CAPN13: variants seen among roughly 807,000 people sequenced by gnomAD.
CAPN13 encodes the protein calpain-13.
In CAPN13, 90 loss-of-function variants were observed where a neutral mutation model predicts 98.4. That is an observed-to-expected ratio of 0.92 (90% confidence interval 0.77 to 1.09). The LOEUF (loss-of-function observed/expected upper bound fraction) is 1.09, where lower values mean the gene tolerates loss of function less well. Among genes scored for constraint, CAPN13 ranks in the 50% least tolerant of loss-of-function variants. CAPN13 has a pLI of 0.00. For missense variants in CAPN13, 887 were observed against 841.3 expected (o/e 1.05, Z -0.67); for synonymous variants, 330 against 305.5 (o/e 1.08, Z -0.84).
Position 30,775,910 on chromosome 2 carries a change from C to G in CAPN13, c.387+20G>C, listed in dbSNP as rs6739505. 1.9e-6 allele frequency: 3 copies of G among 1,566,202 alleles called. No individual in the cohort carries two copies. The highest frequency in any genetic ancestry group is 2.6e-6 in the Non-Finnish European group (3 of 1,145,492). On this transcript the variant is annotated intron_variant, in intron 4 of 22. Coordinates refer to ENST00000295055, the MANE Select transcript of CAPN13 (RefSeq NM_144575.3). The stretch of plus-strand genomic sequence containing the variant: ...ACAGAGAACCCCATCATATAATGAG[C>G]GCTGCAAGGGCACACGTACCCGGAA...
intron 1 of CAPN13, among the ~76,000 whole-genome samples, chr2:30,798,372 G>T (rs1326677877): frequency 6.6e-6 from 1 of 152,124 alleles, no homozygotes; most frequent in Non-Finnish European, 1.5e-5. Flanking sequence ...GAGAGCCTTT[G>T]GATTGGGCAG....
intron 11 of CAPN13, among the ~76,000 whole-genome samples, chr2:30,747,948 G>A (rs1210021543): frequency 6.6e-5 from 10 of 152,368 alleles, no homozygotes; most frequent in Non-Finnish European, 4.4e-5. Context: ...TGGCAGAAAA[G>A]TAGGAAAGTG....
intron 11 of CAPN13, among the ~76,000 whole-genome samples, chr2:30,748,951 T>C (rs2147984318): frequency 6.6e-6 from 1 of 152,178 alleles, no homozygotes; most frequent in East Asian, 1.9e-4. Flanking sequence ...TTTGGAGCCA[T>C]GAGTATCACC....
intron 13 of CAPN13, chr2:30,743,074 T>A (rs1379031122): frequency 2.7e-6 from 1 of 373,728 alleles, no homozygotes. Context: ...ATTATGTTTT[T>A]CTTCAAAGCC....
intron 5 of CAPN13, among the ~76,000 whole-genome samples, chr2:30,766,196 C>T (rs531977709): frequency 6.6e-6 from 1 of 152,250 alleles, no homozygotes; most frequent in Non-Finnish European, 1.5e-5. Context: ...TCAAACAGGG[C>T]TGTGCTAAAG....
At chr2:30,747,777 G>A (rs1305656793) in intron 11 of CAPN13, among the ~76,000 whole-genome samples, 1 of 152,212 alleles carries the variant, frequency 6.6e-6, no homozygotes, top group Non-Finnish European at 1.5e-5. Flanking sequence ...AACTGTGAAA[G>A]CAACCAGTGT....
intron 4 of CAPN13, among the ~76,000 whole-genome samples, chr2:30,772,482 C>T (rs1005617412): frequency 2.6e-5 from 4 of 152,184 alleles, no homozygotes; most frequent in African/African-American, 9.7e-5. Context: ...CCTGCCTGGG[C>T]CTTGAGTTGT....
At chr2:30,785,422 C>T (rs1349499249) in intron 2 of CAPN13, among the ~76,000 whole-genome samples, 1 of 152,162 alleles carries the variant, frequency 6.6e-6, no homozygotes, top group Non-Finnish European at 1.5e-5. Context: ...AGAAATATGA[C>T]ATCTAAAAAG....
chr2:30,754,129 T>C (rs1672316956), intron 9 of CAPN13, among the ~76,000 whole-genome samples, 161 bp downstream of exon 9: 1 of 152,230 alleles, frequency 6.6e-6, no homozygotes, highest in Non-Finnish European at 1.5e-5. Flanking sequence ...CAATAATTTT[T>C]CATCCAAAGT....
At chr2:30,743,621 C>G (rs1279830008) in intron 12 of CAPN13, 42 bp from the exon 13 acceptor site, 1 of 1,583,924 alleles carries the variant, frequency 6.3e-7, no homozygotes, top group Admixed American at 1.7e-5. Flanking sequence ...AAAGCCTCCT[C>G]TGTGCATGGA....
intron 2 of CAPN13, among the ~76,000 whole-genome samples, chr2:30,786,015 G>T (rs1213069579): frequency 7.1e-6 from 1 of 140,248 alleles, no homozygotes; most frequent in Non-Finnish European, 1.5e-5. Context: ...CTTCAAATCT[G>T]CCCCAACGTA....
At chr2:30,752,934 C>G in intron 10 of CAPN13, 119 bp downstream of exon 10, 1 of 1,149,420 alleles carries the variant, frequency 8.7e-7, no homozygotes, top group Non-Finnish European at 1.3e-6. Flanking sequence ...AACTCCCCTC[C>G]TTTCAGCTTC....
chr2:30,787,568 C>A (rs1395763291), intron 1 of CAPN13, among the ~76,000 whole-genome samples: 1 of 152,214 alleles, frequency 6.6e-6, no homozygotes, highest in African/African-American at 2.4e-5. Context: ...TACAAAACAG[C>A]TTTCCCGTGT....
Position 30,763,103 on chromosome 2 carries a change from G to A in CAPN13, c.753C>T (p.Tyr251=), listed in dbSNP as rs1672928644. The A allele has an allele frequency of 6.2e-7, 1 of 1,610,856 alleles. No individual in the cohort carries two copies. The highest frequency in any genetic ancestry group is 2.2e-5 in the East Asian group (1 of 44,840). The change falls in exon 7 of 23, where the codon TAC becomes TAT. Residue 251 remains tyrosine (Y), a synonymous_variant. Coordinates refer to ENST00000295055, the MANE Select transcript of CAPN13 (RefSeq NM_144575.3). ...MENGLVSLHA[Y]TVTGAEQIQY... ...TTACCTGCTCAGCCCCAGTCACAGT[G>A]TAGGCATGGAGACTCACCAGCCCAT... is the stretch of plus-strand genomic sequence containing the variant.
intron 17 of CAPN13, among the ~76,000 whole-genome samples, chr2:30,736,956 G>A (rs1030115844): frequency 2.0e-5 from 3 of 152,168 alleles, no homozygotes; most frequent in African/African-American, 4.8e-5. Flanking sequence ...AGAGTCCTGC[G>A]TGCACAAGTG....
intron 2 of CAPN13, among the ~76,000 whole-genome samples, chr2:30,781,065 T>C (rs945352925): frequency 6.6e-6 from 1 of 152,232 alleles, no homozygotes; most frequent in African/African-American, 2.4e-5. Context: ...GAGACTGCTG[T>C]GTCCCACTTC....
chr2:30,765,738 C>T (rs1673076790), intron 5 of CAPN13, among the ~76,000 whole-genome samples: 1 of 152,236 alleles, frequency 6.6e-6, no homozygotes, highest in Non-Finnish European at 1.5e-5. Flanking sequence ...TCACTATCAG[C>T]AGGACTCTGC....
chr2:30,764,360 G>A, intron 5 of CAPN13, 54 bp from the exon 6 acceptor site: 2 of 1,584,828 alleles, frequency 1.3e-6, no homozygotes, highest in Non-Finnish European at 1.7e-6. Flanking sequence ...GATGCTCTGG[G>A]AGGGGAGCTT....
At chr2:30,768,387 C>T (rs1421125322) in intron 5 of CAPN13, among the ~76,000 whole-genome samples, 1 of 152,164 alleles carries the variant, frequency 6.6e-6, no homozygotes, top group African/African-American at 2.4e-5. Context: ...AGCGAGGAGG[C>T]AGCAGAGGAA....
Sources: gnomAD v4.1 joint callset for allele counts (sites outside exome capture counted in the v4.1 genomes callset) on GRCh38, gnomAD v4.1.1 for gene constraint, MANE v1.5 for transcripts, NCBI Gene and HGNC (gene_info 2026-07-23, HGNC 2026-07-21) for gene names.